The following ZNF345 variants were observed in gnomAD, a reference collection of about 807,000 sequenced individuals.
ZNF345 encodes zinc finger protein 345.
For synonymous variants in ZNF345, 166 were observed against 187.9 expected (o/e 0.88, Z 0.95); for missense variants, 527 against 589.9 (o/e 0.89, Z 1.10).
intron 2 of ZNF345, among the ~76,000 whole-genome samples, chr19:36,861,803 G>T (rs532620027): frequency 8.7e-5 from 13 of 149,996 alleles, no homozygotes; most frequent in Non-Finnish European, 1.8e-4. Context: ...CTTGCAATCC[G>T]CCAGCCTCAG....
Position 36,878,607 on chromosome 19 carries a change from A to G in ZNF345, c.*310A>G, listed in dbSNP as rs1908861631. 1 of 206,920 alleles carries G rather than the reference A, an allele frequency of 4.8e-6. No homozygotes were observed. The highest frequency in any genetic ancestry group is 1.8e-4 in the South Asian group (1 of 5,714). The allele number at this position is 206,920 out of a possible 1,614,324, so 12.8% of individuals were successfully genotyped here. The stretch of plus-strand genomic sequence containing the variant: ...AACTCATTTCTGGGTTAATCCTACT[A>G]TATTTTTTCAATGGTCTTTTTTTTT... On this transcript the variant is annotated 3_prime_UTR_variant, in exon 3 of 3. Transcript: ENST00000420450.
chr19:36,869,631 T>C (rs886260275), intron 2 of ZNF345, among the ~76,000 whole-genome samples: 3 of 152,330 alleles, frequency 2.0e-5, no homozygotes, highest in Non-Finnish European at 4.4e-5. Flanking sequence ...AGCAAAGACA[T>C]GTCTAGCTCT....
downstream of ZNF345, among the ~76,000 whole-genome samples, chr19:36,884,377 T>C (rs10403306): frequency 0.17 from 25,896 of 152,060 alleles, 2,622 homozygotes; most frequent in African/African-American, 0.27. Context: ...AACCTTATTA[T>C]AGTGAAAGGA....
At chr19:36,891,488 T>G (rs780335686) in intron 3 of ZNF345, 2 of 1,533,344 alleles carry the variant, frequency 1.3e-6, no homozygotes, top group Non-Finnish European at 1.7e-6. Flanking sequence ...TACTTTACTG[T>G]CATTCAACCA....
chr19:36,867,222 TATG>T (rs1357033799), intron 2 of ZNF345, among the ~76,000 whole-genome samples: 6 of 152,322 alleles, frequency 3.9e-5, no homozygotes, highest in Admixed American at 1.3e-4. Context: ...AATATCTAAT[TATG>T]GTGTTAATTT....
intron 3 of ZNF345, chr19:36,891,461 G>C (rs1341429474): frequency 6.6e-7 from 1 of 1,510,684 alleles, no homozygotes; most frequent in Non-Finnish European, 8.8e-7. Context: ...TTATTATAAA[G>C]GTTAACAAAA....
At chr19:36,852,128 CT>C (rs35747733) in intron 2 of ZNF345, among the ~76,000 whole-genome samples, 500 of 102,654 alleles carry the variant, frequency 4.9e-3, no homozygotes, top group African/African-American at 0.015. Flanking sequence ...TTCTTTCTTT[CT>C]TTTTTTTTTT....
intron 2 of ZNF345, among the ~76,000 whole-genome samples, chr19:36,873,831 T>A (rs898942532): frequency 2.8e-4 from 42 of 152,194 alleles, no homozygotes; most frequent in African/African-American, 9.4e-4. Context: ...CAATGGTGAA[T>A]AATATTCATT....
rs1011205927 is a variant in ZNF345, at chr19:36,878,812, A to G, written c.*515A>G. ...ACATTTTTATTCACATAAAGCTTGG[A>G]TATCAGGTCAGTGTTTTTTTGTTTT... On this transcript the variant is annotated 3_prime_UTR_variant, in exon 3 of 3. Transcript: ENST00000420450. 5.4e-5 allele frequency: 9 copies of G among 166,800 alleles called. No homozygotes were observed. The highest frequency in any genetic ancestry group is 3.3e-4 in the Admixed American group (5 of 15,200). The allele number at this position is 166,800 out of a possible 1,614,324, so 10.3% of individuals were successfully genotyped here. A position where few individuals can be genotyped will look rare whatever the true frequency, so the allele number is the denominator to read the frequency against.
At chr19:36,892,815 C>A (rs1318727785) in intron 3 of ZNF345, 6 of 776,998 alleles carry the variant, frequency 7.7e-6, no homozygotes, top group Non-Finnish European at 1.1e-5. Flanking sequence ...GCCCCCACCC[C>A]AGATCCCCCA....
chr19:36,874,765 G>C (rs953284223), intron 2 of ZNF345, among the ~76,000 whole-genome samples: 1 of 152,196 alleles, frequency 6.6e-6, no homozygotes, highest in African/African-American at 2.4e-5. Flanking sequence ...GGCAACAAGA[G>C]CGAAACTCCA....
At chr19:36,857,304 G>GTTTATTTA (rs200267297) in intron 2 of ZNF345, among the ~76,000 whole-genome samples, 5 of 151,474 alleles carry the variant, frequency 3.3e-5, no homozygotes, top group African/African-American at 9.7e-5. Flanking sequence ...TATAAAAATT[G>GTTTATTTA]TTTATTTATT....
intron 2 of ZNF345, among the ~76,000 whole-genome samples, chr19:36,874,624 A>G (rs1292521984): frequency 6.6e-6 from 1 of 151,746 alleles, no homozygotes; most frequent in East Asian, 1.9e-4. Context: ...TACTAAAAAT[A>G]CAAAATTAGC....
At chr19:36,880,618 A>T (rs1035360737), downstream of ZNF345, among the ~76,000 whole-genome samples, 1 of 151,292 alleles carries the variant, frequency 6.6e-6, no homozygotes, top group African/African-American at 2.4e-5. Flanking sequence ...GCAAGCCCCC[A>T]TCTCTACAAT....
intron 2 of ZNF345, among the ~76,000 whole-genome samples, chr19:36,859,436 G>A (rs749536464): frequency 9.3e-5 from 14 of 151,196 alleles, no homozygotes; most frequent in African/African-American, 2.4e-4. Context: ...GATTACAGGC[G>A]TGAGCCACCA....
In ZNF345 at chr19:36,892,860, C is replaced by A; in HGVS notation, c.89C>A (p.Ser30Ter). 1 of 1,144,076 alleles carries A rather than the reference C, an allele frequency of 8.7e-7. No individual in the cohort carries two copies. The allele number at this position is 1,144,076 out of a possible 1,614,324, so 70.9% of individuals were successfully genotyped here. A position where few individuals can be genotyped will look rare whatever the true frequency, so the allele number is the denominator to read the frequency against. Residue 30 changes from serine to a stop codon, truncating the protein, a stop_gained, in exon 4 of 4, where the codon TCG (serine) becomes TAG (stop). Transcript: ENST00000526123. LOFTEE classifies it high-confidence loss of function. Reference sequence around the variant, plus strand: ...CCTGAGACCCAGCTCTGTGTCTCCTCGTCGTACAGCTTGTGGAGCTCCGAC... The same window carrying A: ...CCTGAGACCCAGCTCTGTGTCTCCTAGTCGTACAGCTTGTGGAGCTCCGAC...
chr19:36,865,699 G>T (rs2072645204), intron 2 of ZNF345, among the ~76,000 whole-genome samples: 1 of 152,164 alleles, frequency 6.6e-6, no homozygotes, highest in East Asian at 1.9e-4. Context: ...GCAATCATAA[G>T]ATCTGCAAAC....
chr19:36,878,404 C>T lies in ZNF345; in HGVS notation c.*107C>T. ...GTACAAATGCCTTACTTATGCTTCA[C>T]AGGTTAGTCAGTCTAAGAATATTTA... On this transcript the variant is annotated 3_prime_UTR_variant, in exon 3 of 3. Coordinates refer to ENST00000420450, the MANE Select transcript of ZNF345 (RefSeq NM_001242472.2). The T allele has an allele frequency of 3.9e-6, 4 of 1,027,996 alleles. No individual in the cohort carries two copies. The highest frequency in any genetic ancestry group is 5.6e-6 in the Non-Finnish European group (4 of 717,980). 63.7% of individuals were successfully genotyped at this position (1,027,996 alleles called of 1,614,324 possible). A position where few individuals can be genotyped will look rare whatever the true frequency, so the allele number is the denominator to read the frequency against.
chr19:36,853,331 C>G (rs1022685627), intron 2 of ZNF345, among the ~76,000 whole-genome samples: 4 of 151,462 alleles, frequency 2.6e-5, no homozygotes, highest in Non-Finnish European at 4.4e-5. Flanking sequence ...TCACCACAAC[C>G]TCCGCCTCTT....
Sources: gnomAD v4.1 joint callset for allele counts (sites outside exome capture counted in the v4.1 genomes callset) on GRCh38, gnomAD v4.1.1 for gene constraint, MANE v1.5 for transcripts, NCBI Gene and HGNC (gene_info 2026-07-23, HGNC 2026-07-21) for gene names.